Variants in EYS observed in about 807,000 individuals in gnomAD.
EYS encodes the protein EGF-like photoreceptor maintenance factor, also known as protein eyes shut homolog.
Under a neutral mutation model 282.1 loss-of-function variants are expected in EYS, and 250 were observed. The observed-to-expected ratio is 0.89, with a 90% confidence interval of 0.80 to 0.98. The LOEUF (loss-of-function observed/expected upper bound fraction) is 0.98. EYS is among the 50% of genes least tolerant of loss of function. The probability of loss-of-function intolerance (pLI) is 0.00; values close to 1 mark genes in which losing one functional copy is unlikely to be tolerated. For synonymous variants in EYS, 1,355 were observed against 1,282.9 expected, an observed-to-expected ratio of 1.06 and a Z score of -1.20; for missense variants, 4,016 against 3,709.0, an observed-to-expected ratio of 1.08 and a Z score of -2.15.
chr6:64,408,812 A>G (rs1773800595), intron 28 of EYS, among the ~76,000 whole-genome samples: 1 of 152,094 alleles, frequency 6.6e-6, no homozygotes, highest in Non-Finnish European at 1.5e-5. Context: ...GATTTTTGCT[A>G]TGTTGAGGGC....
chr6:65,447,764 A>T (rs187178508), intron 5 of EYS, among the ~76,000 whole-genome samples: 27 of 152,088 alleles, frequency 1.8e-4, no homozygotes, highest in African/African-American at 6.3e-4. Flanking sequence ...ATGCAGAGAG[A>T]TAAATAACTA....
At chr6:64,843,160 C>T (rs1445407925) in intron 19 of EYS, among the ~76,000 whole-genome samples, 1 of 152,062 alleles carries the variant, frequency 6.6e-6, no homozygotes, top group Non-Finnish European at 1.5e-5. Flanking sequence ...GCCTGGATGC[C>T]CAGGGAAAAG....
intron 22 of EYS, among the ~76,000 whole-genome samples, chr6:64,737,413 C>T (rs1041003779): frequency 1.3e-5 from 2 of 152,200 alleles, no homozygotes; most frequent in Admixed American, 1.3e-4. Context: ...ACGCTTTAAC[C>T]TGGTAGAGAA....
intron 14 of EYS, among the ~76,000 whole-genome samples, chr6:64,975,695 T>C (rs1770453236): frequency 6.6e-6 from 1 of 151,874 alleles, no homozygotes; most frequent in Non-Finnish European, 1.5e-5. Flanking sequence ...GTAAGAACTT[T>C]TGCTGGAAAA....
At chr6:64,523,508 A>G (rs1317507074) in intron 26 of EYS, among the ~76,000 whole-genome samples, 1 of 151,806 alleles carries the variant, frequency 6.6e-6, no homozygotes, top group Non-Finnish European at 1.5e-5. Flanking sequence ...AAGATACTGT[A>G]TATTTAGTAA....
chr6:64,411,236 TAGAG>T (rs1053426604), intron 28 of EYS, among the ~76,000 whole-genome samples: 2 of 152,018 alleles, frequency 1.3e-5, no homozygotes, highest in Admixed American at 6.6e-5. Flanking sequence ...TATTAGAAGT[TAGAG>T]AGAAAATGAT....
chr6:64,792,470 G>A (rs965388614), intron 22 of EYS, among the ~76,000 whole-genome samples: 33 of 151,890 alleles, frequency 2.2e-4, no homozygotes, highest in African/African-American at 4.8e-4. Context: ...AAAATTATAC[G>A]TGCTGTGACA....
chr6:64,950,228 T>C (rs147945259), intron 14 of EYS, among the ~76,000 whole-genome samples: 137 of 152,036 alleles, frequency 9.0e-4, no homozygotes, highest in African/African-American at 1.4e-3. Context: ...ACTAAACCAG[T>C]AGACATTTAA....
intron 12 of EYS, among the ~76,000 whole-genome samples, chr6:65,088,279 G>A (rs1167888803): frequency 1.3e-5 from 2 of 152,156 alleles, no homozygotes; most frequent in Non-Finnish European, 2.9e-5. Flanking sequence ...ATAGGAAGAG[G>A]TTGGAACAGT....
At chr6:64,394,013 A>C (rs555618585) in intron 28 of EYS, among the ~76,000 whole-genome samples, 1 of 152,186 alleles carries the variant, frequency 6.6e-6, no homozygotes, top group African/African-American at 2.4e-5. Context: ...CCAAATCATG[A>C]GTGAACTCCC....
At chr6:65,540,200 T>C (rs918800216) in intron 2 of EYS, among the ~76,000 whole-genome samples, 4 of 152,138 alleles carry the variant, frequency 2.6e-5, no homozygotes, top group Non-Finnish European at 5.9e-5. Flanking sequence ...CATTAAGCCA[T>C]CATTCCAATG....
At chr6:64,979,131 G>C (rs1770570660) in intron 14 of EYS, among the ~76,000 whole-genome samples, 1 of 151,738 alleles carries the variant, frequency 6.6e-6, no homozygotes, top group Non-Finnish European at 1.5e-5. Context: ...AATCTTTTGT[G>C]AAAGCAAGAG....
chr6:64,943,883 G>A (rs1361809069), intron 15 of EYS, among the ~76,000 whole-genome samples: 1 of 151,980 alleles, frequency 6.6e-6, no homozygotes, highest in Admixed American at 6.6e-5. Context: ...GAAAGAGATT[G>A]AATAACTAAA....
intron 2 of EYS, among the ~76,000 whole-genome samples, chr6:65,632,094 C>G (rs1023225225): frequency 5.3e-5 from 8 of 152,040 alleles, no homozygotes; most frequent in African/African-American, 1.7e-4. Context: ...GAGCCTAACA[C>G]TTAACTGCCA....
At chr6:63,879,524 T>C (rs1432732430) in intron 35 of EYS, among the ~76,000 whole-genome samples, 2 of 152,174 alleles carry the variant, frequency 1.3e-5, no homozygotes, top group Non-Finnish European at 2.9e-5. Context: ...ATTGTACTTA[T>C]CTAAATAGAA....
intron 34 of EYS, among the ~76,000 whole-genome samples, chr6:63,998,791 CTTTT>C (rs60945987): frequency 7.1e-6 from 1 of 140,318 alleles, no homozygotes. Flanking sequence ...CTGGAGCTGT[CTTTT>C]TTTTTTTTTT....
chr6:63,965,548 G>C (rs1181425721), intron 35 of EYS, among the ~76,000 whole-genome samples: 2 of 152,120 alleles, frequency 1.3e-5, no homozygotes. Flanking sequence ...TCTTTCTCTT[G>C]TAAGAGTCAT....
intron 31 of EYS, among the ~76,000 whole-genome samples, chr6:64,225,420 A>C (rs1022439869): frequency 1.3e-5 from 2 of 152,028 alleles, no homozygotes; most frequent in Admixed American, 1.3e-4. Flanking sequence ...AGATACAGAG[A>C]TTATCCTGGA....
chr6:64,279,576 G>A (rs1244655280), intron 30 of EYS, among the ~76,000 whole-genome samples: 1 of 152,104 alleles, frequency 6.6e-6, no homozygotes, highest in Non-Finnish European at 1.5e-5. Flanking sequence ...CCTACGTCTT[G>A]GAAGTATCTG....
Sources: gnomAD v4.1 joint callset for allele counts (sites outside exome capture counted in the v4.1 genomes callset) on GRCh38, gnomAD v4.1.1 for gene constraint, MANE v1.5 for transcripts, NCBI Gene and HGNC (gene_info 2026-07-23, HGNC 2026-07-21) for gene names.